Variants in CRB1 observed in about 807,000 individuals in gnomAD.
The protein encoded by CRB1 is protein crumbs homolog 1.
A neutral mutation model predicts 120.0 loss-of-function variants in CRB1; 83 were observed. That is an observed-to-expected ratio of 0.69 (90% CI 0.58 to 0.83). CRB1 has a LOEUF of 0.83. Among genes scored for constraint, CRB1 ranks in the 40% least tolerant of loss-of-function variants. The pLI, the probability that CRB1 is intolerant of heterozygous loss-of-function variation, is 0.00. For missense variants in CRB1, 1,699 were observed against 1,687.6 expected (o/e 1.01, Z -0.12); for synonymous variants, 625 against 612.5 (o/e 1.02, Z -0.30).
At chr1:197,331,106 C>G (rs541858821) in intron 2 of CRB1, among the ~76,000 whole-genome samples, 1 of 151,808 alleles carries the variant, frequency 6.6e-6, no homozygotes, top group Non-Finnish European at 1.5e-5. Context: ...TGCAGTGAGC[C>G]GAGATCGCGC....
chr1:197,467,710 C>A (rs1250804691), intron 11 of CRB1, among the ~76,000 whole-genome samples: 4 of 152,066 alleles, frequency 2.6e-5, no homozygotes. Flanking sequence ...TTTAGTATGG[C>A]AGAAATGGGA....
chr1:197,405,974 G>T (rs1663366501), intron 5 of CRB1, among the ~76,000 whole-genome samples: 1 of 148,874 alleles, frequency 6.7e-6, no homozygotes, highest in Non-Finnish European at 1.5e-5. Flanking sequence ...CCCCCGCCCG[G>T]CCAGCCGCCC....
intron 1 of CRB1, among the ~76,000 whole-genome samples, chr1:197,295,614 C>T (rs541861173): frequency 4.6e-5 from 7 of 152,134 alleles, no homozygotes; most frequent in African/African-American, 1.4e-4. Flanking sequence ...AATGACACAA[C>T]TCAAGCCTTT....
chr1:197,327,711 T>C (rs985651040), intron 1 of CRB1, among the ~76,000 whole-genome samples: 2 of 152,198 alleles, frequency 1.3e-5, no homozygotes, highest in Non-Finnish European at 2.9e-5. Flanking sequence ...TCTTTTCTTT[T>C]CTCTTGTGCA....
At chr1:197,280,115 G>A (rs796098477) in intron 1 of CRB1, among the ~76,000 whole-genome samples, 9 of 151,842 alleles carry the variant, frequency 5.9e-5, no homozygotes, top group African/African-American at 2.2e-4. Flanking sequence ...ATATCACACG[G>A]TCAGAATTTG....
the CRB1 span, among the ~76,000 whole-genome samples, chr1:197,251,480 T>G: frequency 6.6e-6 from 1 of 152,024 alleles, no homozygotes; most frequent in Non-Finnish European, 1.5e-5. Context: ...TATTAAATAT[T>G]TATTTAATGA....
chr1:197,439,821 A>G (rs946685377), intron 10 of CRB1: 3 of 152,108 alleles, frequency 2.0e-5, no homozygotes, highest in Non-Finnish European at 4.4e-5. Flanking sequence ...GATTAATTGG[A>G]ATTTTCTGTT....
chr1:197,444,161 T>C (rs929665148), intron 11 of CRB1: 2 of 152,200 alleles, frequency 1.3e-5, no homozygotes, highest in African/African-American at 2.4e-5. Context: ...AATAATATCC[T>C]TGTTATAGAG....
chr1:197,466,736 G>T (rs927505186), intron 11 of CRB1, among the ~76,000 whole-genome samples: 9 of 152,196 alleles, frequency 5.9e-5, no homozygotes, highest in African/African-American at 2.2e-4. Flanking sequence ...AGGGATGTCA[G>T]GGATCCTGCA....
At position 197,445,438 on chromosome 1, in the gene CRB1, A is replaced by T. The variant is rs1016156751; in HGVS notation, c.4005+3146A>T. Reference sequence around the variant, plus strand: ...TGAGGAGGAGAGACAACTAAGTTCAATTAACACCACTGAGGACTTACTCTA... The same window carrying T: ...TGAGGAGGAGAGACAACTAAGTTCATTTAACACCACTGAGGACTTACTCTA... On this transcript the variant is annotated intron_variant, in intron 11 of 11. Coordinates refer to ENST00000367400, the MANE Select transcript of CRB1 (RefSeq NM_201253.3). Among the ~76,000 whole-genome samples the T allele has an allele frequency of 3.9e-5, 6 of 152,340 alleles. No individual in the cohort carries two copies. The East Asian group carries it at 1.2e-3, about 29-fold the overall frequency.
chr1:197,450,019 C>T (rs920750296), intron 11 of CRB1, among the ~76,000 whole-genome samples: 2 of 152,164 alleles, frequency 1.3e-5, no homozygotes, highest in African/African-American at 4.8e-5. Context: ...TGAGCAGAGA[C>T]TGCACTCCAA....
chr1:197,435,611 A>T lies in CRB1; in HGVS notation c.3748A>T (p.Arg1250Ter). ...CFGNFTGKFC[R>*]QSRLPSTVCG... The stretch of plus-strand genomic sequence containing the variant: ...TGGAAATTTTACAGGAAAATTTTGC[A>T]GGTGAGCATAAAGTCCATATGAAGC... The change falls in exon 9 of 12, where the codon AGA (arginine) becomes TGA (stop). Residue 1250 changes from arginine to a stop codon, truncating the protein, a stop_gained and splice_region_variant. Coordinates refer to ENST00000367400, the MANE Select transcript of CRB1 (RefSeq NM_201253.3). LOFTEE classifies it high-confidence loss of function. The T allele has an allele frequency of 6.2e-7, 1 of 1,610,310 alleles. No individual in the cohort carries two copies. Among genetic ancestry groups the T allele is most frequent in the Non-Finnish European group, 8.5e-7 (1 of 1,177,808 alleles).
chr1:197,235,200 T>C, the CRB1 span, among the ~76,000 whole-genome samples: 1 of 152,188 alleles, frequency 6.6e-6, no homozygotes, highest in South Asian at 2.1e-4. Flanking sequence ...TTATGTTTAC[T>C]GTCCATGCCA....
chr1:197,318,671 T>C (rs1657996104), intron 1 of CRB1, among the ~76,000 whole-genome samples: 1 of 152,158 alleles, frequency 6.6e-6, no homozygotes, highest in African/African-American at 2.4e-5. Flanking sequence ...CATAAAACAA[T>C]AAAATACTGT....
rs147848423 is a variant in CRB1, at chr1:197,334,652, G to T, written c.652+5649G>T. Among the ~76,000 whole-genome samples, 13 of 152,248 alleles carry T rather than the reference G, an allele frequency of 8.5e-5. No homozygotes were observed. The East Asian group carries it at 1.7e-3, about 20-fold the overall frequency. On this transcript the variant is annotated intron_variant, in intron 2 of 11. Transcript: ENST00000367400. ...AACTTTTAAACATCCGGAGCTAAGA[G>T]AAATAAATTTCTGTTCTTTATAAAT...
At chr1:197,432,414 AC>A (rs1266429975) in intron 8 of CRB1, among the ~76,000 whole-genome samples, 1 of 151,780 alleles carries the variant, frequency 6.6e-6, no homozygotes, top group Non-Finnish European at 1.5e-5. Flanking sequence ...ATAGTAAAAA[AC>A]AATAAGATCA....
the CRB1 span, among the ~76,000 whole-genome samples, chr1:197,204,550 A>G: frequency 4.6e-5 from 7 of 152,072 alleles, no homozygotes; most frequent in African/African-American, 1.4e-4. Flanking sequence ...GCATTTTTTC[A>G]TATGTTTGTT....
intron 5 of CRB1, among the ~76,000 whole-genome samples, chr1:197,399,869 A>G (rs942712269): frequency 6.6e-6 from 1 of 152,126 alleles, no homozygotes; most frequent in African/African-American, 2.4e-5. Flanking sequence ...TGGCAGTTTG[A>G]CCACAGTCAT....
At chr1:197,250,610 G>A in the CRB1 span, among the ~76,000 whole-genome samples, 144 of 152,102 alleles carry the variant, frequency 9.5e-4, no homozygotes, top group African/African-American at 2.6e-3. Context: ...CATTAGGGGC[G>A]TAGAGAGGGG....
Sources: gnomAD v4.1 joint callset for allele counts (sites outside exome capture counted in the v4.1 genomes callset) on GRCh38, gnomAD v4.1.1 for gene constraint, MANE v1.5 for transcripts, NCBI Gene and HGNC (gene_info 2026-07-23, HGNC 2026-07-21) for gene names.